Variants in ABCA8 observed in about 807,000 individuals in gnomAD.
The protein encoded by ABCA8 is ABC-type organic anion transporter ABCA8.
Under a neutral mutation model 192.3 loss-of-function variants are expected in ABCA8, and 177 were observed. That is an observed-to-expected ratio of 0.92 (90% confidence interval 0.81 to 1.04). The LOEUF (loss-of-function observed/expected upper bound fraction) is 1.04. Among genes scored for constraint, ABCA8 ranks in the 50% least tolerant of loss-of-function variants. ABCA8 has a pLI of 0.00. For missense variants in ABCA8, 1,915 were observed against 1,904.8 expected, an observed-to-expected ratio of 1.01 and a Z score of -0.10; for synonymous variants, 642 against 690.2, an observed-to-expected ratio of 0.93 and a Z score of 1.09.
chr17:68,872,693 A>G (rs1269124906), intron 37 of ABCA8, among the ~76,000 whole-genome samples: 1 of 152,140 alleles, frequency 6.6e-6, no homozygotes, highest in South Asian at 2.1e-4. Flanking sequence ...CCAGTGGGAC[A>G]AGATGTGGAG....
At chr17:68,890,582 A>G (rs1309107108) in intron 24 of ABCA8, among the ~76,000 whole-genome samples, 2 of 152,124 alleles carry the variant, frequency 1.3e-5, no homozygotes, top group East Asian at 3.9e-4. Context: ...GCAGTGGCGC[A>G]ATCTCAGCTC....
At chr17:68,886,349 T>G (rs899545207) in intron 26 of ABCA8, among the ~76,000 whole-genome samples, 4 of 152,174 alleles carry the variant, frequency 2.6e-5, no homozygotes, top group Non-Finnish European at 4.4e-5. Context: ...CTAGGAGAGA[T>G]TATTACCAGT....
chr17:68,934,982 AT>A (rs1458636483), intron 5 of ABCA8, among the ~76,000 whole-genome samples: 1 of 147,482 alleles, frequency 6.8e-6, no homozygotes, highest in Non-Finnish European at 1.5e-5. Flanking sequence ...TCCTTTTGTT[AT>A]TTTTCTATTT....
chr17:68,873,215 C>A (rs1187960436), intron 37 of ABCA8, among the ~76,000 whole-genome samples: 1 of 152,168 alleles, frequency 6.6e-6, no homozygotes, highest in African/African-American at 2.4e-5. Context: ...TTTAGATACA[C>A]AAGTTCTTAT....
At position 68,885,294 on chromosome 17, in the gene ABCA8, C is replaced by T; in HGVS notation, c.3451G>A (p.Gly1151Arg). The T allele has an allele frequency of 1.2e-6, 2 of 1,611,956 alleles. No individual in the cohort carries two copies. Among genetic ancestry groups the T allele is most frequent in the East Asian group, 2.2e-5 (1 of 44,666 alleles). The change falls in exon 27 of 40, where the codon GGA becomes AGA. Residue 1151 changes from glycine to arginine, a missense_variant. Transcript: ENST00000586539. ...CTTTCGAAGATACTGAACGCAAATC[C>T]AGCCACAGAGAATACAGTGACCTAA... ...FYVVTVFSVAGFAFSIFESDI... is the reference protein window; with the variant it reads ...FYVVTVFSVARFAFSIFESDI...
At chr17:68,918,836 A>T (rs1020469293) in intron 14 of ABCA8, among the ~76,000 whole-genome samples, 1 of 150,100 alleles carries the variant, frequency 6.7e-6, no homozygotes, top group Admixed American at 6.7e-5. Context: ...AGGCTGAGGC[A>T]GGAGAATCGC....
intron 17 of ABCA8, among the ~76,000 whole-genome samples, chr17:68,913,664 A>G (rs1431835628): frequency 6.6e-6 from 1 of 152,076 alleles, no homozygotes; most frequent in African/African-American, 2.4e-5. Flanking sequence ...GACACGTACA[A>G]TCTACCAAGA....
At chr17:68,905,965 A>C (rs1053148421) in intron 19 of ABCA8, 79 bp downstream of exon 19, 2 of 1,342,500 alleles carry the variant, frequency 1.5e-6, no homozygotes, top group South Asian at 3.3e-5. Flanking sequence ...TGAACCCCAC[A>C]TTTTGTAATC....
In ABCA8 at chr17:68,918,533, A is replaced by G. The variant is rs979532197; in HGVS notation, c.1802T>C (p.Leu601Pro). ...QEVDKEIQRV[L>P]LELEMKNIQD... ...AATATTTTTCATTTCCAATTCCAGC[A>G]GAACCCTTTGTATCTAACCAAAAGA... The change falls in exon 15 of 40, where the codon CTG (leucine) becomes CCG (proline). Residue 601 changes from leucine (L) to proline (P), a missense_variant. Physicochemically the swap from Leu to Pro is moderately conservative, Grantham distance 98. Transcript: ENST00000586539. 4.2e-5 allele frequency: 63 copies of G among 1,511,030 alleles called. No individual in the cohort carries two copies. Among genetic ancestry groups the G allele is most frequent in the Middle Eastern group, 1.7e-4 (1 of 5,878 alleles). 93.6% of individuals were successfully genotyped at this position (1,511,030 alleles called of 1,614,324 possible).
At chr17:68,948,228 G>A (rs1233028445) in intron 2 of ABCA8, among the ~76,000 whole-genome samples, 1 of 152,112 alleles carries the variant, frequency 6.6e-6, no homozygotes, top group Non-Finnish European at 1.5e-5. Context: ...TGTCTTTATA[G>A]TAGAATGATT....
At chr17:68,941,079 T>G in intron 3 of ABCA8, 117 bp from the exon 4 acceptor site, 1 of 742,480 alleles carries the variant, frequency 1.3e-6, no homozygotes, top group Non-Finnish European at 2.2e-6. Context: ...TATCCCATAT[T>G]ATAAACTGTT....
intron 17 of ABCA8, among the ~76,000 whole-genome samples, chr17:68,909,260 T>C (rs1002807122): frequency 6.6e-6 from 1 of 152,194 alleles, no homozygotes; most frequent in Non-Finnish European, 1.5e-5. Flanking sequence ...ATAGTAAATT[T>C]TCTAGGCTTT....
rs375411601 is a variant in ABCA8 at position 68,872,097 on chromosome 17, C to G, written c.4632-2318G>C. 4.7e-4 allele frequency among the ~76,000 whole-genome samples: 72 copies of G among 151,984 alleles called. No individual in the cohort carries two copies. In the East Asian group the frequency reaches 0.011, roughly 23 times the overall value. ...CATTACTGGGTATATACCCAAAGGA[C>G]TATAAATCATGCTGCTATAAAGACA... On this transcript the variant is annotated intron_variant, in intron 37 of 39. Coordinates refer to ENST00000586539, the MANE Select transcript of ABCA8 (RefSeq NM_001288985.2).
rs1345410549 is a variant in ABCA8 at position 68,937,064 on chromosome 17, G to T, written c.353C>A (p.Ala118Glu). ...TCTTACTATTTCTTCAGGATAATTT[G>T]CTGTGAATTCTTTAATACTTTCCTC... ...PDEESIKEFT[A>E]NYPEEIVRVT... The change falls in exon 5 of 40, where the codon GCA (alanine) becomes GAA (glutamate). Residue 118 changes from alanine to glutamate, a missense_variant. Transcript: ENST00000586539. 3 of 1,610,058 alleles carry T rather than the reference G, an allele frequency of 1.9e-6. No homozygotes were observed. Among genetic ancestry groups the T allele is most frequent in the East Asian group, 2.2e-5 (1 of 44,560 alleles).
Position 68,891,553 on chromosome 17 carries a change from A to G in ABCA8, c.3080T>C (p.Phe1027Ser), listed in dbSNP as rs767008141. 1 of 1,613,284 alleles carries G rather than the reference A, an allele frequency of 6.2e-7. No individual in the cohort carries two copies. The highest frequency in any genetic ancestry group is 8.5e-7 in the Non-Finnish European group (1 of 1,179,786). Reference protein sequence around the residue: ...NPIGFLAYIMFWLVLTSSCPP... With the variant: ...NPIGFLAYIMSWLVLTSSCPP... The stretch of plus-strand genomic sequence containing the variant: ...GCAACTCGATGTTAAAACCAGCCAG[A>G]ACATGATATATGCCAGGAATCCGAT... Residue 1027 changes from phenylalanine (F) to serine (S), a missense_variant, in exon 24 of 40, where the codon TTC becomes TCC. Coordinates refer to ENST00000586539, the MANE Select transcript of ABCA8 (RefSeq NM_001288985.2).
chr17:68,923,750 G>T (rs1253402211), intron 11 of ABCA8, among the ~76,000 whole-genome samples: 1 of 152,198 alleles, frequency 6.6e-6, no homozygotes, highest in Non-Finnish European at 1.5e-5. Context: ...CTCCTTAGAA[G>T]TTCAGCAACC....
intron 22 of ABCA8, 82 bp from the exon 23 acceptor site, chr17:68,894,392 T>A (rs1019803035): frequency 8.0e-7 from 1 of 1,252,414 alleles, no homozygotes; most frequent in African/African-American, 1.5e-5. Context: ...CATGTTAAAT[T>A]AAGAGGTTAT....
Position 68,940,835 on chromosome 17 carries a change from A to C in ABCA8, c.224T>G (p.Phe75Cys). ...GRVDTFNESR[F>C]SVVYTPVTNT... is the part of the protein sequence containing the mutation. ...GGTGACAGGTGTGTATACAACAGAAAATCTGGATTCATTAAATGTATCTAC... is the reference window on the plus strand; with the variant it reads ...GGTGACAGGTGTGTATACAACAGAACATCTGGATTCATTAAATGTATCTAC... Residue 75 changes from phenylalanine (F) to cysteine (C), a missense_variant, in exon 4 of 40, where the codon TTT (phenylalanine) becomes TGT (cysteine). Physicochemically the swap from Phe to Cys is radical, Grantham distance 205. Transcript: ENST00000586539. 1.9e-6 allele frequency: 3 copies of C among 1,613,532 alleles called. No homozygotes were observed. The highest frequency in any genetic ancestry group is 2.5e-6 in the Non-Finnish European group (3 of 1,179,598).
intron 32 of ABCA8, chr17:68,879,074 T>C (rs1196736166): frequency 6.6e-6 from 1 of 152,230 alleles, no homozygotes; most frequent in Non-Finnish European, 1.5e-5. Flanking sequence ...ATGTCTCTCT[T>C]AGATAAACCT....
Sources: gnomAD v4.1 joint callset for allele counts (sites outside exome capture counted in the v4.1 genomes callset) on GRCh38, gnomAD v4.1.1 for gene constraint, MANE v1.5 for transcripts, NCBI Gene and HGNC (gene_info 2026-07-23, HGNC 2026-07-21) for gene names.